Variants in FRMD4B observed in about 807,000 individuals in gnomAD.
FRMD4B encodes the protein FERM domain-containing protein 4B.
In FRMD4B, 74 loss-of-function variants were observed where a neutral mutation model predicts 141.5. That is an observed-to-expected ratio of 0.52 (90% CI 0.43 to 0.63). The LOEUF (loss-of-function observed/expected upper bound fraction) is 0.63, where lower values mean the gene tolerates loss of function less well. FRMD4B is among the 30% of genes least tolerant of loss of function. The probability of loss-of-function intolerance (pLI) is 0.00; values close to 1 mark genes in which losing one functional copy is unlikely to be tolerated. For missense variants in FRMD4B, 1,366 were observed against 1,253.4 expected, an observed-to-expected ratio of 1.09 and a Z score of -1.36; for synonymous variants, 506 against 467.9, an observed-to-expected ratio of 1.08 and a Z score of -1.05.
At chr3:69,281,823 C>CAAAAA (rs869209332) in intron 5 of FRMD4B, among the ~76,000 whole-genome samples, 6 of 131,486 alleles carry the variant, frequency 4.6e-5, no homozygotes, top group African/African-American at 1.7e-4. Flanking sequence ...GACTCCGTCT[C>CAAAAA]AAAAAAAAAA....
intron 1 of FRMD4B, among the ~76,000 whole-genome samples, chr3:69,446,462 A>C (rs1705412266): frequency 6.6e-6 from 1 of 151,944 alleles, no homozygotes; most frequent in African/African-American, 2.4e-5. Context: ...CCTCCCTAGT[A>C]GCTGAGAATA....
intron 8 of FRMD4B, among the ~76,000 whole-genome samples, chr3:69,223,807 C>T (rs958332489): frequency 2.6e-5 from 4 of 152,120 alleles, no homozygotes; most frequent in Admixed American, 6.6e-5. Flanking sequence ...CCAGCCTAGG[C>T]GACAGAGCAA....
intron 5 of FRMD4B, among the ~76,000 whole-genome samples, chr3:69,267,616 TATATATATATATATATATATAGAG>T (rs2093570893): frequency 1.3e-4 from 13 of 98,726 alleles, no homozygotes; most frequent in South Asian, 7.5e-4. Flanking sequence ...TATATATATA[TATATATATATATATATATATAGAG>T]AGAGAGAGAG....
upstream of FRMD4B, chr3:69,386,433 AAC>A (rs376979485): frequency 8.7e-4 from 136 of 156,768 alleles, no homozygotes; most frequent in Middle Eastern, 6.4e-3. Flanking sequence ...CGCGCGCGCG[AAC>A]ACACACACAC....
intron 1 of FRMD4B, among the ~76,000 whole-genome samples, chr3:69,338,487 T>C (rs918107060): frequency 2.0e-5 from 3 of 152,170 alleles, no homozygotes; most frequent in Admixed American, 6.5e-5. Context: ...ATATACACCA[T>C]GGAATATTAT....
intron 1 of FRMD4B, among the ~76,000 whole-genome samples, chr3:69,512,521 G>C (rs1414165812): frequency 6.6e-6 from 1 of 152,176 alleles, no homozygotes; most frequent in Non-Finnish European, 1.5e-5. Flanking sequence ...ATCTAGGGCA[G>C]GTGGATAGTT....
intron 1 of FRMD4B, among the ~76,000 whole-genome samples, chr3:69,519,670 A>G (rs72937439): frequency 0.041 from 6,216 of 151,996 alleles, 387 homozygotes; most frequent in African/African-American, 0.14. Context: ...GGTTTTGGGG[A>G]GGAACAGTTG....
intron 11 of FRMD4B, among the ~76,000 whole-genome samples, chr3:69,203,012 C>G (rs1274554046): frequency 6.6e-6 from 1 of 150,906 alleles, no homozygotes; most frequent in Non-Finnish European, 1.5e-5. Flanking sequence ...ATGGTGGAAT[C>G]AAGCTGTATT....
chr3:69,502,698 A>G (rs1706519451), intron 1 of FRMD4B, among the ~76,000 whole-genome samples: 1 of 151,888 alleles, frequency 6.6e-6, no homozygotes, highest in South Asian at 2.1e-4. Context: ...TAATTAAACT[A>G]AAGAGCTTCT....
intron 11 of FRMD4B, among the ~76,000 whole-genome samples, chr3:69,201,144 C>T (rs901153026): frequency 1.3e-5 from 2 of 150,766 alleles, no homozygotes; most frequent in East Asian, 3.9e-4. Context: ...GCATGAAAGG[C>T]AGAGAGCAGT....
intron 17 of FRMD4B, 55 bp from the exon 18 acceptor site, chr3:69,190,007 G>C: frequency 1.0e-6 from 1 of 965,928 alleles, no homozygotes. Flanking sequence ...CAATTAGAGG[G>C]GTCTTAGATA....
chr3:69,349,946 A>G (rs1262067662), intron 1 of FRMD4B, among the ~76,000 whole-genome samples: 5 of 152,208 alleles, frequency 3.3e-5, no homozygotes, highest in African/African-American at 1.2e-4. Flanking sequence ...ACCAAAAGCA[A>G]TGGCAACAAA....
chr3:69,221,782 A>C, intron 9 of FRMD4B, 76 bp downstream of exon 9: 1 of 785,922 alleles, frequency 1.3e-6, no homozygotes. Flanking sequence ...AAAACTACAC[A>C]ACAGAAATCA....
chr3:69,347,559 CA>C (rs571823867), intron 1 of FRMD4B, among the ~76,000 whole-genome samples: 107 of 152,262 alleles, frequency 7.0e-4, no homozygotes, highest in Non-Finnish European at 1.1e-3. Context: ...GCACTTATTC[CA>C]AAATTGACCA....
At chr3:69,528,908 C>T (rs368025957) in intron 1 of FRMD4B, among the ~76,000 whole-genome samples, 2 of 152,084 alleles carry the variant, frequency 1.3e-5, no homozygotes, top group Non-Finnish European at 2.9e-5. Context: ...CTTAGTTTCA[C>T]TGGATGAGCA....
intron 2 of FRMD4B, among the ~76,000 whole-genome samples, chr3:69,427,660 T>TTTTTTTTTG (rs1705109050): frequency 1.6e-5 from 2 of 128,708 alleles, no homozygotes; most frequent in Non-Finnish European, 3.3e-5. Flanking sequence ...TTTTTTTTTT[T>TTTTTTTTTG]TTTTTTTTTT....
At chr3:69,242,949 G>A (rs11921129) in intron 7 of FRMD4B, among the ~76,000 whole-genome samples, 5,030 of 141,706 alleles carry the variant, frequency 0.035, 312 homozygotes, top group African/African-American at 0.12. Context: ...AGCCGAGATC[G>A]CACTACTGCA....
chr3:69,527,291 G>C (rs573528594), intron 1 of FRMD4B, among the ~76,000 whole-genome samples: 32 of 152,146 alleles, frequency 2.1e-4, no homozygotes, highest in Non-Finnish European at 4.3e-4. Context: ...ACAAAGGTGA[G>C]GAGTCCTTTC....
intron 1 of FRMD4B, among the ~76,000 whole-genome samples, chr3:69,531,781 G>T (rs1239142668): frequency 6.6e-6 from 1 of 152,192 alleles, no homozygotes; most frequent in Non-Finnish European, 1.5e-5. Flanking sequence ...CAAGCTCAGT[G>T]CTAGAAAGTA....
Sources: allele counts gnomAD v4.1 joint callset (sites outside exome capture counted in the v4.1 genomes callset), GRCh38; gene constraint gnomAD v4.1.1; transcripts MANE v1.5; gene names NCBI Gene and HGNC (gene_info 2026-07-23, HGNC 2026-07-21).